PTPRN2: variants seen among roughly 807,000 people sequenced by gnomAD.
The protein encoded by PTPRN2 is receptor-type tyrosine-protein phosphatase N2.
In PTPRN2, 74 loss-of-function variants were observed where a neutral mutation model predicts 118.8. That is an observed-to-expected ratio of 0.62 (90% CI 0.52 to 0.76). PTPRN2 has a LOEUF of 0.76. PTPRN2 is among the 30% of genes least tolerant of loss of function. The pLI, the probability that PTPRN2 is intolerant of heterozygous loss-of-function variation, is 0.00. For missense variants in PTPRN2, 1,481 were observed against 1,394.4 expected (o/e 1.06, Z -0.99); for synonymous variants, 641 against 608.0 (o/e 1.05, Z -0.80).
At chr7:158,073,521 T>G (rs558396194) in intron 11 of PTPRN2, among the ~76,000 whole-genome samples, 35 of 152,328 alleles carry the variant, frequency 2.3e-4, no homozygotes, top group Middle Eastern at 3.4e-3. Flanking sequence ...AACACAGCCC[T>G]GATTTAAAAT....
At chr7:157,757,179 G>GC (rs1801836203) in intron 12 of PTPRN2, among the ~76,000 whole-genome samples, 1 of 151,446 alleles carries the variant, frequency 6.6e-6, no homozygotes, top group Admixed American at 6.6e-5. Context: ...TGCAGCTGAG[G>GC]CTGCACCGTG....
At chr7:157,975,395 C>G (rs1422451220) in intron 11 of PTPRN2, among the ~76,000 whole-genome samples, 1 of 152,210 alleles carries the variant, frequency 6.6e-6, no homozygotes, top group Admixed American at 6.5e-5. Context: ...ACACCCCAAT[C>G]TCCTCGTCCC....
At chr7:158,059,540 A>C (rs562779482) in intron 11 of PTPRN2, among the ~76,000 whole-genome samples, 5 of 107,958 alleles carry the variant, frequency 4.6e-5, no homozygotes, top group Admixed American at 8.8e-5. Context: ...CTCCATCTGC[A>C]GTGACACATC....
chr7:157,548,171 G>C (rs903866114), intron 22 of PTPRN2, among the ~76,000 whole-genome samples: 2 of 152,104 alleles, frequency 1.3e-5, no homozygotes, highest in African/African-American at 2.4e-5. Flanking sequence ...AGCTGAGATC[G>C]TGCCACTGCA....
At chr7:158,191,422 C>A (rs966909610) in intron 5 of PTPRN2, among the ~76,000 whole-genome samples, 1 of 152,064 alleles carries the variant, frequency 6.6e-6, no homozygotes, top group African/African-American at 2.4e-5. Flanking sequence ...CGCCATCAAA[C>A]CCCCAATGTC....
intron 12 of PTPRN2, among the ~76,000 whole-genome samples, chr7:157,694,886 CAT>C (rs1351635957): frequency 6.6e-6 from 1 of 151,680 alleles, no homozygotes; most frequent in Non-Finnish European, 1.5e-5. Context: ...TTTTGAGAGA[CAT>C]GTTGATTGAA....
intron 3 of PTPRN2, among the ~76,000 whole-genome samples, chr7:158,238,876 G>A (rs1795730166): frequency 2.6e-5 from 4 of 152,200 alleles, no homozygotes; most frequent in Non-Finnish European, 1.5e-5. Context: ...GTGGCTACAA[G>A]GGCAGAGGTG....
At chr7:158,513,905 A>AGTTATGG (rs1326219670) in intron 1 of PTPRN2, among the ~76,000 whole-genome samples, 3 of 152,204 alleles carry the variant, frequency 2.0e-5, no homozygotes, top group African/African-American at 7.2e-5. Flanking sequence ...AAATTATACA[A>AGTTATGG]GTTATGGGTT....
chr7:157,685,063 G>GCGCCCCTCGC (rs1563342997), intron 12 of PTPRN2, among the ~76,000 whole-genome samples: 2 of 151,902 alleles, frequency 1.3e-5, no homozygotes, highest in Admixed American at 6.6e-5. Context: ...GGCCCGGCCT[G>GCGCCCCTCGC]CGCCCCTCGC....
At chr7:158,114,571 G>A (rs1563454210) in intron 9 of PTPRN2, among the ~76,000 whole-genome samples, 1 of 152,212 alleles carries the variant, frequency 6.6e-6, no homozygotes, top group Non-Finnish European at 1.5e-5. Context: ...GGCTGAGCCA[G>A]GAGCTATGGA....
intron 2 of PTPRN2, among the ~76,000 whole-genome samples, chr7:158,366,326 C>G (rs1184433990): frequency 6.7e-6 from 1 of 148,752 alleles, no homozygotes; most frequent in Non-Finnish European, 1.5e-5. Flanking sequence ...AATGCACACA[C>G]ACACCCACAG....
intron 2 of PTPRN2, among the ~76,000 whole-genome samples, chr7:158,411,042 C>T (rs530469821): frequency 2.0e-5 from 3 of 152,272 alleles, no homozygotes; most frequent in East Asian, 1.9e-4. Flanking sequence ...ACAGGCTGGG[C>T]TGCCCCTGCG....
rs1800376283 is a variant in PTPRN2 at position 157,944,972 on chromosome 7, C to A, written c.1724-46235G>T. Among the ~76,000 whole-genome samples the A allele has an allele frequency of 6.6e-6, 1 of 152,212 alleles. No individual in the cohort carries two copies. Among genetic ancestry groups the A allele is most frequent in the African/African-American group, 2.4e-5 (1 of 41,446 alleles). On this transcript the variant is annotated intron_variant, in intron 11 of 22. Coordinates refer to ENST00000389418, the MANE Select transcript of PTPRN2 (RefSeq NM_002847.5). The surrounding 1 kb of genome is among the most constrained non-coding windows in gnomAD (Gnocchi z 4.3). ...CGTGCCGAATGGAGCCTGTGCAGCT[C>A]CCAGTGCTGTGACCCCACCATGATC... is the stretch of plus-strand genomic sequence containing the variant.
chr7:158,274,354 A>ACAGGGGGAGC (rs1798798992), intron 3 of PTPRN2, among the ~76,000 whole-genome samples: 1 of 60,700 alleles, frequency 1.6e-5, no homozygotes, highest in African/African-American at 7.8e-5. Context: ...AGAGCCACAG[A>ACAGGGGGAGC]CACAGGGGGA....
intron 3 of PTPRN2, among the ~76,000 whole-genome samples, chr7:158,273,005 A>G (rs763213286): frequency 1.3e-5 from 2 of 152,210 alleles, no homozygotes; most frequent in African/African-American, 2.4e-5. Context: ...GGAATATGAA[A>G]GTGGCCATGG....
chr7:157,695,451 T>G (rs1797718420), intron 12 of PTPRN2, among the ~76,000 whole-genome samples: 1 of 152,086 alleles, frequency 6.6e-6, no homozygotes, highest in African/African-American at 2.4e-5. Context: ...TTTTAAAAAG[T>G]ATTTACTATT....
intron 11 of PTPRN2, among the ~76,000 whole-genome samples, chr7:158,070,954 TGGTGGAGGTGCTCACG>T (rs1811342425): frequency 8.9e-6 from 1 of 112,922 alleles, no homozygotes; most frequent in Non-Finnish European, 1.8e-5. Context: ...GTGCCCGTGG[TGGTGGAGGTGCTCACG>T]GTGGAGGTGC....
intron 11 of PTPRN2, among the ~76,000 whole-genome samples, chr7:157,913,267 C>A (rs1329270273): frequency 6.6e-6 from 1 of 152,168 alleles, no homozygotes; most frequent in Admixed American, 6.5e-5. Flanking sequence ...ATTTCATATA[C>A]AGCACCCTTC....
intron 2 of PTPRN2, among the ~76,000 whole-genome samples, chr7:158,372,743 C>T (rs1477445458): frequency 6.6e-6 from 1 of 152,242 alleles, no homozygotes; most frequent in Non-Finnish European, 1.5e-5. Flanking sequence ...ATGGGCATCT[C>T]CCTTTTGGTT....
Sources: gnomAD v4.1 joint callset for allele counts (sites outside exome capture counted in the v4.1 genomes callset) on GRCh38, gnomAD v4.1.1 for gene constraint, Gnocchi (gnomAD v3.1) non-coding constraint, MANE v1.5 for transcripts, NCBI Gene and HGNC (gene_info 2026-07-23, HGNC 2026-07-21) for gene names.